RAPGEF1: variants seen among roughly 807,000 people sequenced by gnomAD.
The protein encoded by RAPGEF1 is Rap guanine nucleotide exchange factor 1.
In RAPGEF1, 33 loss-of-function variants were observed where a neutral mutation model predicts 143.3. The observed-to-expected ratio is 0.23, with a 90% CI of 0.17 to 0.31. The LOEUF is 0.31. RAPGEF1 is among the 10% of genes least tolerant of loss of function. The probability of loss-of-function intolerance (pLI) is 1.00; values close to 1 mark genes in which losing one functional copy is unlikely to be tolerated. For synonymous variants in RAPGEF1, 629 were observed against 676.5 expected, an observed-to-expected ratio of 0.93 and a Z score of 1.09; for missense variants, 1,199 against 1,645.4, an observed-to-expected ratio of 0.73 and a Z score of 4.69.
At chr9:131,581,350 C>T (rs1951840335) in intron 25 of RAPGEF1, among the ~76,000 whole-genome samples, 1 of 151,770 alleles carries the variant, frequency 6.6e-6, no homozygotes, top group Non-Finnish European at 1.5e-5. Flanking sequence ...GCTATGATTG[C>T]ACCACTGCAC....
In RAPGEF1 at chr9:131,650,185, G is replaced by C; in HGVS notation, c.259C>G (p.Gln87Glu). The C allele has an allele frequency of 6.2e-7, 1 of 1,613,984 alleles. No homozygotes were observed. The highest frequency in any genetic ancestry group is 8.5e-7 in the Non-Finnish European group (1 of 1,179,862). ...CTGGTGGACATAAATTCTACTGCCT[G>C]CTGCTCCAGATCCAAGGGGAGAGGG... ...GYPLPLDLEQ[Q>E]AVEFMSTSAV... Residue 87 changes from glutamine to glutamate, a missense_variant, in exon 3 of 27, where the codon CAG becomes GAG. Gln to Glu is a conservative substitution (Grantham distance 29). Coordinates refer to ENST00000683357, the MANE Select transcript of RAPGEF1 (RefSeq NM_001377935.1). The surrounding 1 kb of genome is among the most constrained non-coding windows in gnomAD (Gnocchi z 4.7).
intron 1 of RAPGEF1, among the ~76,000 whole-genome samples, chr9:131,733,048 G>A (rs896982474): frequency 2.6e-5 from 4 of 152,148 alleles, no homozygotes; most frequent in African/African-American, 9.7e-5. Context: ...AGAGGAAGTT[G>A]ATTTTGGTAG....
In RAPGEF1 at chr9:131,650,507, C is replaced by A. The variant is rs971451846; in HGVS notation, c.202-265G>T. Among the ~76,000 whole-genome samples the A allele has an allele frequency of 1.3e-5, 2 of 152,208 alleles. No individual in the cohort carries two copies. The highest frequency in any genetic ancestry group is 2.9e-5 in the Non-Finnish European group (2 of 67,942). On this transcript the variant is annotated intron_variant, in intron 2 of 26. Transcript: ENST00000683357. This position sits in a 1 kb window ranked among gnomAD's most constrained non-coding sequence, Gnocchi z 4.7. Reference sequence around the variant, plus strand: ...TGCGCCAAGGCAACGTAGGGAACTGCAGGGCAGGGAGGCAGCAGCCTGGGG... The same window carrying A: ...TGCGCCAAGGCAACGTAGGGAACTGAAGGGCAGGGAGGCAGCAGCCTGGGG...
chr9:131,641,686 C>T lies in RAPGEF1; in HGVS notation c.494+1553G>A, dbSNP rs1321529931. Among the ~76,000 whole-genome samples, 3 of 152,356 alleles carry T rather than the reference C, an allele frequency of 2.0e-5. No homozygotes were observed. The highest frequency in any genetic ancestry group is 1.9e-4 in the East Asian group (1 of 5,182). On this transcript the variant is annotated intron_variant, in intron 4 of 26. Transcript: ENST00000683357. This position sits in a 1 kb window ranked among gnomAD's most constrained non-coding sequence, Gnocchi z 4.6. ...ATCCATACATCTCGCTGTGGCATGA[C>T]GTCAGCACATGCGCTCCTAGGAGCC...
chr9:131,672,950 G>A (rs1020082471), intron 1 of RAPGEF1, among the ~76,000 whole-genome samples: 8 of 152,182 alleles, frequency 5.3e-5, no homozygotes, highest in Non-Finnish European at 1.2e-4. Flanking sequence ...GCCCTACTGC[G>A]TGTGTGGAGT....
chr9:131,612,641 C>T (rs992615895), intron 12 of RAPGEF1, among the ~76,000 whole-genome samples: 16 of 152,160 alleles, frequency 1.1e-4, no homozygotes, highest in Admixed American at 8.5e-4. Context: ...TCCCGAGGGT[C>T]GCAGTGACCT....
At chr9:131,709,675 A>G (rs1835367961) in intron 1 of RAPGEF1, 1 of 1,613,778 alleles carries the variant, frequency 6.2e-7, no homozygotes, top group South Asian at 1.1e-5. Flanking sequence ...TTTCAATAGC[A>G]TTGCCCATTT....
chr9:131,738,791 G>A (rs569075079), intron 1 of RAPGEF1, among the ~76,000 whole-genome samples: 2 of 152,320 alleles, frequency 1.3e-5, no homozygotes, highest in East Asian at 1.9e-4. Context: ...TTGTGGGTCC[G>A]CTGCAGGGGT....
At chr9:131,622,264 C>T (rs1456254488) in intron 10 of RAPGEF1, among the ~76,000 whole-genome samples, 1 of 152,192 alleles carries the variant, frequency 6.6e-6, no homozygotes, top group Non-Finnish European at 1.5e-5. Flanking sequence ...GGGCACATGG[C>T]GGGTGCAGGG....
intron 24 of RAPGEF1, 109 bp from the exon 25 acceptor site, chr9:131,582,811 C>G (rs981965145): frequency 1.1e-6 from 1 of 894,100 alleles, no homozygotes; most frequent in African/African-American, 1.8e-5. Flanking sequence ...CCACCCTCTG[C>G]CCAACTCCAC....
chr9:131,656,821 T>C (rs528163382), intron 1 of RAPGEF1, among the ~76,000 whole-genome samples: 1 of 152,360 alleles, frequency 6.6e-6, no homozygotes, highest in East Asian at 1.9e-4. Context: ...AGGTTTATTA[T>C]TGCACTCACA....
intron 12 of RAPGEF1, among the ~76,000 whole-genome samples, chr9:131,615,932 C>T (rs1029451982): frequency 2.0e-5 from 3 of 152,138 alleles, no homozygotes; most frequent in Non-Finnish European, 4.4e-5. Context: ...TTGTATGTTA[C>T]ATACAAGGTA....
intron 1 of RAPGEF1, among the ~76,000 whole-genome samples, chr9:131,697,479 C>T (rs78207137): frequency 0.011 from 1,690 of 152,288 alleles, 20 homozygotes; most frequent in Middle Eastern, 0.027. Flanking sequence ...AAGGTTTTGA[C>T]GCTTGAATTA....
At chr9:131,590,252 C>T (rs1209716828) in intron 18 of RAPGEF1, among the ~76,000 whole-genome samples, 2 of 152,112 alleles carry the variant, frequency 1.3e-5, no homozygotes, top group East Asian at 3.9e-4. Flanking sequence ...CCCGCCTTTC[C>T]ATCGGGTTCA....
At chr9:131,694,314 T>C (rs1399612130) in intron 1 of RAPGEF1, among the ~76,000 whole-genome samples, 1 of 152,182 alleles carries the variant, frequency 6.6e-6, no homozygotes, top group Non-Finnish European at 1.5e-5. Context: ...ATGTACTGAA[T>C]GAACTTCTCT....
At chr9:131,587,860 G>A (rs374141379) in intron 21 of RAPGEF1, 30 bp from the exon 22 acceptor site, 13 of 1,607,430 alleles carry the variant, frequency 8.1e-6, no homozygotes, top group Non-Finnish European at 8.5e-6. Flanking sequence ...AGATGGAGGT[G>A]GAGCCCCGGC....
intron 5 of RAPGEF1, among the ~76,000 whole-genome samples, chr9:131,634,713 CAAAA>C (rs35405559): frequency 3.3e-5 from 2 of 61,222 alleles, no homozygotes; most frequent in Non-Finnish European, 2.7e-5. Flanking sequence ...GACTCCGTCT[CAAAA>C]AAAAAAAAAA....
intron 20 of RAPGEF1, among the ~76,000 whole-genome samples, 160 bp from the exon 21 acceptor site, chr9:131,588,186 C>T (rs1216327926): frequency 6.6e-6 from 1 of 152,208 alleles, no homozygotes; most frequent in East Asian, 1.9e-4. Context: ...CCCTGGGGCC[C>T]TAATGGCCTC....
chr9:131,661,577 C>T (rs766392795), intron 1 of RAPGEF1, among the ~76,000 whole-genome samples: 4 of 152,052 alleles, frequency 2.6e-5, no homozygotes, highest in Non-Finnish European at 1.5e-5. Context: ...GTATATACTT[C>T]CTGATGTATA....
Sources: gnomAD v4.1 joint callset for allele counts (sites outside exome capture counted in the v4.1 genomes callset) on GRCh38, gnomAD v4.1.1 for gene constraint, Gnocchi (gnomAD v3.1) non-coding constraint, MANE v1.5 for transcripts, NCBI Gene and HGNC (gene_info 2026-07-23, HGNC 2026-07-21) for gene names.